SUPT3H: variants seen among roughly 807,000 people sequenced by gnomAD.
SUPT3H encodes SPT3 homolog, SAGA and STAGA complex component.
A neutral mutation model predicts 44.3 loss-of-function variants in SUPT3H; 44 were observed. The ratio of observed to expected loss-of-function variants is 0.99; its 90% CI spans 0.78 to 1.28. The LOEUF (loss-of-function observed/expected upper bound fraction) is 1.28, where lower values mean the gene tolerates loss of function less well. SUPT3H is among the 50% of genes most tolerant of loss of function. The probability of loss-of-function intolerance (pLI) is 0.00; values close to 1 mark genes in which losing one functional copy is unlikely to be tolerated. For missense variants in SUPT3H, 380 were observed against 387.1 expected (o/e 0.98, Z 0.15); for synonymous variants, 124 against 125.6 (o/e 0.99, Z 0.09).
chr6:45,338,665 A>G (rs1789122951), intron 2 of SUPT3H, among the ~76,000 whole-genome samples: 1 of 152,154 alleles, frequency 6.6e-6, no homozygotes, highest in Non-Finnish European at 1.5e-5. Context: ...ATTTATTTTT[A>G]TACTGGGCAA....
At chr6:44,904,091 A>C (rs1765576065) in intron 10 of SUPT3H, among the ~76,000 whole-genome samples, 1 of 152,170 alleles carries the variant, frequency 6.6e-6, no homozygotes, top group African/African-American at 2.4e-5. Flanking sequence ...ATGGGCAAAA[A>C]CCGGAAGCAT....
intron 2 of SUPT3H, among the ~76,000 whole-genome samples, chr6:45,177,428 C>T (rs970658185): frequency 6.6e-6 from 1 of 151,962 alleles, no homozygotes; most frequent in African/African-American, 2.4e-5. Flanking sequence ...GTGAAAAGAC[C>T]AAATCTACGT....
At chr6:44,899,389 C>T (rs1561996406) in intron 10 of SUPT3H, 1 of 152,108 alleles carries the variant, frequency 6.6e-6, no homozygotes, top group Admixed American at 6.6e-5. Flanking sequence ...AAATTTGTGC[C>T]TATAAAAGTT....
rs140024057 is a variant in SUPT3H, at chr6:44,996,182, G to A, written c.504+7471C>T. Among the ~76,000 whole-genome samples, 14 of 151,820 alleles carry A rather than the reference G, an allele frequency of 9.2e-5. No individual in the cohort carries two copies. The East Asian group carries it at 2.7e-3, about 29-fold the overall frequency. On this transcript the variant is annotated intron_variant, in intron 6 of 10. Coordinates refer to ENST00000371459, the MANE Select transcript of SUPT3H (RefSeq NM_003599.4). ...ATTGATATTTTAAAATACTTTCTCG[G>A]TTTTACTAATCTACATTTCCACAGT...
intron 6 of SUPT3H, among the ~76,000 whole-genome samples, chr6:44,988,930 G>A (rs1483504239): frequency 1.3e-5 from 2 of 151,994 alleles, no homozygotes; most frequent in Admixed American, 6.6e-5. Context: ...GGTTTCTGGG[G>A]TGGGGAGATT....
At chr6:45,286,359 C>T (rs939807713) in intron 2 of SUPT3H, among the ~76,000 whole-genome samples, 1 of 151,978 alleles carries the variant, frequency 6.6e-6, no homozygotes. Context: ...TGACAAAGGG[C>T]GAATATCTAG....
intron 2 of SUPT3H, among the ~76,000 whole-genome samples, chr6:45,151,439 T>C (rs1032960044): frequency 6.6e-5 from 10 of 152,192 alleles, no homozygotes; most frequent in East Asian, 1.9e-4. Context: ...TTTCAGATTA[T>C]CTGTAATTAA....
chr6:45,211,086 A>G (rs1414743601), intron 2 of SUPT3H, among the ~76,000 whole-genome samples: 1 of 152,098 alleles, frequency 6.6e-6, no homozygotes, highest in Non-Finnish European at 1.5e-5. Flanking sequence ...ATTTTATTAC[A>G]CTTCCATTTT....
intron 2 of SUPT3H, among the ~76,000 whole-genome samples, chr6:45,224,177 A>C (rs1298182614): frequency 1.3e-5 from 2 of 151,784 alleles, no homozygotes; most frequent in Admixed American, 1.3e-4. Flanking sequence ...ATTAAAACTA[A>C]TATCATTCTT....
chr6:45,005,700 C>CAA (rs67476240), intron 5 of SUPT3H, among the ~76,000 whole-genome samples: 287 of 130,882 alleles, frequency 2.2e-3, no homozygotes, highest in Middle Eastern at 4.1e-3. Flanking sequence ...AAACTCGTCT[C>CAA]AAAAAAAAAA....
At chr6:44,896,649 T>A (rs1764170387) in intron 10 of SUPT3H, among the ~76,000 whole-genome samples, 1 of 152,212 alleles carries the variant, frequency 6.6e-6, no homozygotes, top group African/African-American at 2.4e-5. Context: ...TGGTTCTTAT[T>A]CCTGTGCTTT....
chr6:45,032,984 A>G (rs1050749707), intron 3 of SUPT3H, among the ~76,000 whole-genome samples: 4 of 152,204 alleles, frequency 2.6e-5, no homozygotes, highest in Non-Finnish European at 4.4e-5. Flanking sequence ...GAAGTAGAGT[A>G]GGAAGACTGA....
At chr6:45,079,692 T>C (rs189010958) in intron 3 of SUPT3H, among the ~76,000 whole-genome samples, 4 of 152,200 alleles carry the variant, frequency 2.6e-5, no homozygotes, top group South Asian at 2.1e-4. Context: ...AGAACATACA[T>C]TGGGCAAAGG....
chr6:45,209,869 A>G (rs1763803140), intron 2 of SUPT3H, among the ~76,000 whole-genome samples: 1 of 152,108 alleles, frequency 6.6e-6, no homozygotes, highest in Non-Finnish European at 1.5e-5. Flanking sequence ...ATTTGAAGAA[A>G]TTGCCTCAGC....
chr6:44,954,929 C>T (rs1053470528), intron 7 of SUPT3H, among the ~76,000 whole-genome samples: 2 of 152,118 alleles, frequency 1.3e-5, no homozygotes, highest in Admixed American at 6.5e-5. Flanking sequence ...CATTGGCTAC[C>T]GCTCATGTTA....
At chr6:45,373,184 C>T (rs112406260) in intron 1 of SUPT3H, among the ~76,000 whole-genome samples, 1 of 151,992 alleles carries the variant, frequency 6.6e-6, no homozygotes, top group Non-Finnish European at 1.5e-5. Context: ...TCAAGCAACC[C>T]GGGCCTGTCT....
intron 2 of SUPT3H, among the ~76,000 whole-genome samples, chr6:45,222,342 C>T (rs190043405): frequency 8.1e-4 from 123 of 152,180 alleles, no homozygotes; most frequent in African/African-American, 2.9e-3. Flanking sequence ...CAACGCTTGA[C>T]AGTAAAACTA....
rs549579829 is a variant in SUPT3H, at chr6:44,886,906, T to G, written c.912+45747A>C. ...TGCGGAGACACACAGAAGCTCAAAATAAAAGGATGGAGGAAGATCTACCAA... is the reference window on the plus strand; with the variant it reads ...TGCGGAGACACACAGAAGCTCAAAAGAAAAGGATGGAGGAAGATCTACCAA... On this transcript the variant is annotated intron_variant, in intron 10 of 10. Coordinates refer to ENST00000371459, the MANE Select transcript of SUPT3H (RefSeq NM_003599.4). Among the ~76,000 whole-genome samples the G allele has an allele frequency of 2.0e-5, 3 of 151,936 alleles. No individual in the cohort carries two copies. The East Asian group carries it at 5.8e-4, about 29-fold the overall frequency.
chr6:45,290,455 T>TTAAAAAAA lies in SUPT3H; in HGVS notation c.101+74745_101+74746insTTTTTTTA, dbSNP rs67882992. ...TGGAAAAAGATCAGGGCATGGATGA[T>TTAAAAAAA]CAAAAAAAAAAAAAAAAAGCAGAGG... is the stretch of plus-strand genomic sequence containing the variant. On this transcript the variant is annotated intron_variant, in intron 2 of 10. Transcript: ENST00000371459. 3.5e-5 allele frequency among the ~76,000 whole-genome samples: 3 copies of TTAAAAAAA among 85,968 alleles called. 1 individual carries two copies. The highest frequency in any genetic ancestry group is 1.0e-4 in the African/African-American group (2 of 19,846). 56.4% of individuals were successfully genotyped at this position (85,968 alleles called of 152,430 possible).
Sources: gnomAD v4.1 joint callset for allele counts (sites outside exome capture counted in the v4.1 genomes callset) on GRCh38, gnomAD v4.1.1 for gene constraint, MANE v1.5 for transcripts, NCBI Gene and HGNC (gene_info 2026-07-23, HGNC 2026-07-21) for gene names.